The following BCR variants were observed in gnomAD, a reference collection of about 807,000 sequenced individuals.
BCR encodes the protein breakpoint cluster region protein.
Under a neutral mutation model 138.6 loss-of-function variants are expected in BCR, and 58 were observed. That is an observed-to-expected ratio of 0.42 (90% CI 0.34 to 0.52). The LOEUF (loss-of-function observed/expected upper bound fraction) is 0.52. BCR is among the 20% of genes least tolerant of loss of function. The pLI is 0.06. For synonymous variants in BCR, 786 were observed against 730.1 expected (o/e 1.08, Z -1.23); for missense variants, 1,599 against 1,727.2 (o/e 0.93, Z 1.32).
At chr22:23,210,861 CA>C (rs2072673575) in intron 1 of BCR, among the ~76,000 whole-genome samples, 1 of 152,184 alleles carries the variant, frequency 6.6e-6, no homozygotes, top group South Asian at 2.1e-4. Flanking sequence ...ACAGATGGGT[CA>C]GTACTGTTCT....
At chr22:23,195,607 C>T (rs968868679) in intron 1 of BCR, among the ~76,000 whole-genome samples, 2 of 151,784 alleles carry the variant, frequency 1.3e-5, no homozygotes, top group Non-Finnish European at 2.9e-5. Context: ...TAAAAACCGG[C>T]CGGGCGCGGT....
chr22:23,247,005 G>A (rs2073164857), intron 1 of BCR, among the ~76,000 whole-genome samples: 1 of 152,084 alleles, frequency 6.6e-6, no homozygotes, highest in African/African-American at 2.4e-5. Flanking sequence ...TCCGACTGTG[G>A]ACTCTGCACC....
chr22:23,268,062 A>G (rs947873225), intron 4 of BCR, among the ~76,000 whole-genome samples: 3 of 152,240 alleles, frequency 2.0e-5, no homozygotes, highest in Non-Finnish European at 4.4e-5. Context: ...AGTGCTGAGC[A>G]CAGACACTTG....
At chr22:23,202,716 A>G (rs62219783) in intron 1 of BCR, among the ~76,000 whole-genome samples, 3,070 of 104,718 alleles carry the variant, frequency 0.029, 42 homozygotes, top group South Asian at 0.07. Flanking sequence ...TAATAATTCA[A>G]TTGTTTGTGT....
chr22:23,181,395 GGGACCCCCCGCC>G lies in BCR; in HGVS notation c.436_447del (p.Gly146_Ala149del). The G allele has an allele frequency of 6.4e-7, 1 of 1,559,116 alleles. No individual in the cohort carries two copies. The highest frequency in any genetic ancestry group is 1.4e-5 in the African/African-American group (1 of 73,488). Reference sequence around the variant, plus strand: ...CCGCGTCGGGGGAACGGGACGACCGGGGACCCCCCGCCAGCGTGGCGGCGCTCAGGTCCAACT... The same window carrying G: ...CCGCGTCGGGGGAACGGGACGACCGGAGCGTGGCGGCGCTCAGGTCCAACT... On this transcript the variant is annotated inframe_deletion, in exon 1 of 23. Transcript: ENST00000305877.
intron 12 of BCR, among the ~76,000 whole-genome samples, chr22:23,288,825 C>A (rs1227383580): frequency 6.6e-6 from 1 of 152,198 alleles, no homozygotes; most frequent in African/African-American, 2.4e-5. Context: ...CTGGCAGTGT[C>A]GGTGGGGAAG....
In BCR at chr22:23,268,503, A is replaced by G. The variant is rs1231290535; in HGVS notation, c.1848A>G (p.Ala616=). 6.2e-7 allele frequency: 1 copy of G among 1,613,730 alleles called. No individual in the cohort carries two copies. Among genetic ancestry groups the G allele is most frequent in the Admixed American group, 1.7e-5 (1 of 59,972 alleles). The stretch of plus-strand genomic sequence containing the variant: ...GCTGTCAGGCCAATGCTCAGTTTGC[A>G]GAAATCTCCGAGGTAATGCCTTGAT... ...EKCCQANAQF[A]EISENLRARS... Residue 616 remains alanine (A), a synonymous_variant, in exon 5 of 23, where the codon GCA becomes GCG. Coordinates refer to ENST00000305877, the MANE Select transcript of BCR (RefSeq NM_004327.4).
chr22:23,312,863 G>T, intron 19 of BCR, 24 bp from the exon 20 acceptor site: 1 of 1,595,754 alleles, frequency 6.3e-7, no homozygotes, highest in Non-Finnish European at 8.5e-7. Flanking sequence ...CAAGGAGGCC[G>T]CTGCATTTCC....
chr22:23,285,168 C>T lies in BCR; in HGVS notation c.2373C>T (p.Ile791=). The T allele has an allele frequency of 4.3e-6, 7 of 1,613,622 alleles. No individual in the cohort carries two copies. The highest frequency in any genetic ancestry group is 5.9e-6 in the Non-Finnish European group (7 of 1,179,828). ...AGCTGGACGCTTTGAAGATCAAGAT[C>T]TCCCAGATCAAGAATGACATCCAGA... ...DEELDALKIK[I]SQIKNDIQRE... The change falls in exon 10 of 23, where the codon ATC becomes ATT. Residue 791 remains isoleucine (I), a synonymous_variant. Transcript: ENST00000305877.
At chr22:23,231,506 C>CTAAAATAAA in intron 1 of BCR, among the ~76,000 whole-genome samples, 1 of 128,866 alleles carries the variant, frequency 7.8e-6, no homozygotes, top group Middle Eastern at 3.7e-3. Context: ...GACCCCGTCT[C>CTAAAATAAA]ATAAAATAAA....
intron 1 of BCR, among the ~76,000 whole-genome samples, chr22:23,248,814 A>G (rs982714412): frequency 2.0e-5 from 3 of 152,204 alleles, no homozygotes; most frequent in African/African-American, 7.2e-5. Flanking sequence ...AAAGCTTTGC[A>G]GGAAGGATGT....
chr22:23,296,600 G>A (rs1219305831), intron 16 of BCR, among the ~76,000 whole-genome samples: 1 of 152,066 alleles, frequency 6.6e-6, no homozygotes, highest in Non-Finnish European at 1.5e-5. Context: ...AGCTTATAAG[G>A]GAACTCAGTG....
At chr22:23,283,080 G>A (rs9620234) in intron 8 of BCR, 6,962 of 152,294 alleles carry the variant, frequency 0.046, 413 homozygotes, top group African/African-American at 0.12. Flanking sequence ...GGCTTGCTGC[G>A]ACAGCCTCTC....
At chr22:23,190,814 G>A (rs373586450) in intron 1 of BCR, among the ~76,000 whole-genome samples, 6 of 152,224 alleles carry the variant, frequency 3.9e-5, no homozygotes, top group Middle Eastern at 3.4e-3. Flanking sequence ...GGAGGGCTGC[G>A]TGCTAAAACT....
chr22:23,182,405 C>T (rs1032955549), intron 1 of BCR, among the ~76,000 whole-genome samples, 166 bp downstream of exon 1: 23 of 152,242 alleles, frequency 1.5e-4, no homozygotes, highest in African/African-American at 4.6e-4. Flanking sequence ...ACTCCATCCC[C>T]TCCTCCTTCC....
At chr22:23,214,150 G>C (rs1340808201) in intron 1 of BCR, among the ~76,000 whole-genome samples, 2 of 151,402 alleles carry the variant, frequency 1.3e-5, no homozygotes, top group Non-Finnish European at 2.9e-5. Context: ...TTGCTGTTAT[G>C]ACAGATAGCG....
In BCR at chr22:23,225,858, C is replaced by A. The variant is rs12167689; in HGVS notation, c.1280-27941C>A. Among the ~76,000 whole-genome samples, 271 of 152,360 alleles carry A rather than the reference C, an allele frequency of 1.8e-3. 1 individual carries two copies. Among genetic ancestry groups the A allele is most frequent in the African/African-American group, 6.2e-3 (259 of 41,580 alleles). On this transcript the variant is annotated intron_variant, in intron 1 of 22. Coordinates refer to ENST00000305877, the MANE Select transcript of BCR (RefSeq NM_004327.4). The stretch of plus-strand genomic sequence containing the variant: ...TATTCATTTCGCACAGTCAGTGCAT[C>A]CCAGGGCCTGAAACACGCTTTGAGC...
At chr22:23,254,079 G>A in intron 2 of BCR, 99 bp downstream of exon 2, 1 of 1,384,900 alleles carries the variant, frequency 7.2e-7, no homozygotes, top group South Asian at 1.5e-5. Flanking sequence ...TGGTGGAGCA[G>A]CCAATGGTTT....
intron 1 of BCR, among the ~76,000 whole-genome samples, chr22:23,223,832 C>T (rs5751611): frequency 0.52 from 79,122 of 152,046 alleles, 20,842 homozygotes; most frequent in East Asian, 0.71. Flanking sequence ...GCTGTCCCCC[C>T]TGTAATGGGA....
Sources: allele counts gnomAD v4.1 joint callset (sites outside exome capture counted in the v4.1 genomes callset), GRCh38; gene constraint gnomAD v4.1.1; transcripts MANE v1.5; gene names NCBI Gene and HGNC (gene_info 2026-07-23, HGNC 2026-07-21).